Variants in APLP2 observed in about 807,000 individuals in gnomAD.
APLP2 encodes the protein amyloid beta precursor like protein 2, also known as CDEI box-binding protein.
Under a neutral mutation model 89.9 loss-of-function variants are expected in APLP2, and 53 were observed. The ratio of observed to expected loss-of-function variants is 0.59; its 90% CI spans 0.47 to 0.74. The LOEUF (loss-of-function observed/expected upper bound fraction) is 0.74, where lower values mean the gene tolerates loss of function less well. APLP2 is among the 30% of genes least tolerant of loss of function. The pLI is 0.00. For synonymous variants in APLP2, 372 were observed against 348.6 expected (o/e 1.07, Z -0.75); for missense variants, 973 against 975.9 (o/e 1.00, Z 0.04).
rs772054771 is a variant in APLP2, at chr11:130,120,697, C to G, written c.404-9C>G. 3.1e-6 allele frequency: 5 copies of G among 1,607,218 alleles called. No homozygotes were observed. In the East Asian group the frequency reaches 6.7e-5, roughly 21 times the overall value. On this transcript the variant is annotated splice_polypyrimidine_tract_variant and intron_variant, in intron 3 of 16. Coordinates refer to ENST00000338167, the MANE Select transcript of APLP2 (RefSeq NM_001142276.2). ...TCAGATCCGCTCTGACAAAGATTCT[C>G]TTTTCCAGTGGGTGAATTTGTAAGT...
rs778839476 is a variant in APLP2 at position 130,129,150 on chromosome 11, C to T, written c.1399C>T (p.Arg467Cys). Residue 467 changes from arginine (R) to cysteine (C), a missense_variant, in exon 10 of 17, where the codon CGC becomes TGC. Physicochemically the swap from Arg to Cys is radical, Grantham distance 180 (BLOSUM62 -3). Coordinates refer to ENST00000338167, the MANE Select transcript of APLP2 (RefSeq NM_001142276.2). Reference protein sequence around the residue: ...LARVEAMLNDRRRMALENYLA... With the variant: ...LARVEAMLNDCRRMALENYLA... Reference sequence around the variant, plus strand: ...CCGAGTGGAAGCTATGCTGAATGACCGCCGTCGGATGGCTCTGGAGAACTA... The same window carrying T: ...CCGAGTGGAAGCTATGCTGAATGACTGCCGTCGGATGGCTCTGGAGAACTA... 1.2e-5 allele frequency: 20 copies of T among 1,614,184 alleles called. No homozygotes were observed. Among genetic ancestry groups the T allele is most frequent in the Non-Finnish European group, 1.4e-5 (17 of 1,180,022 alleles).
chr11:130,101,068 C>G (rs1255121429), intron 1 of APLP2, among the ~76,000 whole-genome samples: 2 of 152,344 alleles, frequency 1.3e-5, no homozygotes, highest in African/African-American at 4.8e-5. Flanking sequence ...ATTTCTTACA[C>G]ATTAGGCTCT....
At chr11:130,137,174 A>G in intron 13 of APLP2, 1 of 1,257,544 alleles carries the variant, frequency 8.0e-7, no homozygotes, top group South Asian at 1.2e-5. Context: ...TCTAAGATAG[A>G]AATTTTAAAA....
intron 1 of APLP2, among the ~76,000 whole-genome samples, chr11:130,089,236 A>G (rs868009018): frequency 2.6e-4 from 39 of 152,178 alleles, no homozygotes; most frequent in African/African-American, 9.4e-4. Context: ...GCCTGGATGA[A>G]TGCAGTGGCT....
At position 130,083,717 on chromosome 11, in the gene APLP2, T is replaced by C. The variant is rs534740673; in HGVS notation, c.105+13635T>C. ...TTATGTATATATCATATTTTCCTTA[T>C]CCATTCATCTCTCGATGGACATTTA... On this transcript the variant is annotated intron_variant, in intron 1 of 16. Coordinates refer to ENST00000338167, the MANE Select transcript of APLP2 (RefSeq NM_001142276.2). 1.2e-3 allele frequency among the ~76,000 whole-genome samples: 176 copies of C among 152,350 alleles called. 3 individuals are homozygous for C. The South Asian group carries it at 0.035, about 30-fold the overall frequency.
intron 10 of APLP2, among the ~76,000 whole-genome samples, chr11:130,129,670 G>A (rs1010337989): frequency 6.6e-6 from 1 of 152,168 alleles, no homozygotes; most frequent in African/African-American, 2.4e-5. Flanking sequence ...GTATTGGGAG[G>A]ATATTTGTGT....
chr11:130,126,724 A>G lies in APLP2; in HGVS notation c.1115A>G (p.Asn372Ser), dbSNP rs772546391. 35 of 1,613,912 alleles carry G rather than the reference A, an allele frequency of 2.2e-5. No homozygotes were observed. The Admixed American group carries it at 2.5e-4, about 12-fold the overall frequency. The change falls in exon 8 of 17, where the codon AAT (asparagine) becomes AGT (serine). Residue 372 changes from asparagine to serine, a missense_variant. Transcript: ENST00000338167. ...AMIPPTPLPTNDVDVYFETSA... is the reference protein window; with the variant it reads ...AMIPPTPLPTSDVDVYFETSA... ...GTTCCTCCAACTCCTCTGCCAACCA[A>G]TGATGTTGATGTGTATTTCGAGACC...
intron 1 of APLP2, among the ~76,000 whole-genome samples, chr11:130,106,651 A>T (rs1947808456): frequency 6.6e-6 from 1 of 151,748 alleles, no homozygotes; most frequent in African/African-American, 2.4e-5. Flanking sequence ...TCTCTTTAGG[A>T]AGCTTCCTTG....
In APLP2 at chr11:130,069,928, G is replaced by T. The variant is rs1313750854; in HGVS notation, c.-50G>T. On this transcript the variant is annotated 5_prime_UTR_variant, in exon 1 of 17. Transcript: ENST00000338167. ...TGGGTCGCGGTGTGCTAAGCGAGGA[G>T]TCCGAGTGTGTGAGCTTGAGAGCCG... 1 of 1,374,448 alleles carries T rather than the reference G, an allele frequency of 7.3e-7. No homozygotes were observed. The highest frequency in any genetic ancestry group is 1.3e-5 in the South Asian group (1 of 78,892). 85.1% of individuals were successfully genotyped at this position (1,374,448 alleles called of 1,614,324 possible).
intron 13 of APLP2, among the ~76,000 whole-genome samples, chr11:130,137,794 G>A (rs1376752302): frequency 6.6e-6 from 1 of 152,106 alleles, no homozygotes; most frequent in African/African-American, 2.4e-5. Context: ...ATATTCCTCA[G>A]AACATCGGAA....
intron 13 of APLP2, chr11:130,137,395 A>C: frequency 9.2e-7 from 1 of 1,091,514 alleles, no homozygotes; most frequent in Non-Finnish European, 1.4e-6. Flanking sequence ...GGCTTTCCCC[A>C]CCTCATTCCT....
At position 130,141,631 on chromosome 11, in the gene APLP2, G is replaced by T. The variant is rs1952406993; in HGVS notation, c.1998+59G>T. On this transcript the variant is annotated intron_variant, in intron 15 of 16. Coordinates refer to ENST00000338167, the MANE Select transcript of APLP2 (RefSeq NM_001142276.2). The surrounding 1 kb of genome is among the most constrained non-coding windows in gnomAD (Gnocchi z 4.2). ...GCCAATCTTAGGTATTTCTCCTCTG[G>T]ACCTTCTCAGTTCAAGTAGAAAACG... 1.4e-6 allele frequency: 2 copies of T among 1,468,916 alleles called. No homozygotes were observed. The highest frequency in any genetic ancestry group is 1.9e-6 in the Non-Finnish European group (2 of 1,051,208). 91.0% of individuals were successfully genotyped at this position (1,468,916 alleles called of 1,614,324 possible).
At chr11:130,117,934 G>A (rs758813391) in intron 3 of APLP2, among the ~76,000 whole-genome samples, 15 of 152,036 alleles carry the variant, frequency 9.9e-5, no homozygotes, top group Admixed American at 3.9e-4. Context: ...AAAATTAGAC[G>A]GGCGTGGTGG....
chr11:130,141,128 G>A lies in APLP2; in HGVS notation c.1924-370G>A, dbSNP rs539817453. 2 of 176,124 alleles carry A rather than the reference G, an allele frequency of 1.1e-5. No individual in the cohort carries two copies. The highest frequency in any genetic ancestry group is 1.3e-4 in the South Asian group (1 of 7,558). 10.9% of individuals were successfully genotyped at this position (176,124 alleles called of 1,614,324 possible). On this transcript the variant is annotated intron_variant, in intron 14 of 16. Coordinates refer to ENST00000338167, the MANE Select transcript of APLP2 (RefSeq NM_001142276.2). The surrounding 1 kb of genome is among the most constrained non-coding windows in gnomAD (Gnocchi z 4.2). The stretch of plus-strand genomic sequence containing the variant: ...TCACTGTGTTAGCCAGGATGGTCTC[G>A]ATCTCCTGACCTTGTGATCCACCTG...
intron 2 of APLP2, 52 bp from the exon 3 acceptor site, chr11:130,110,486 G>A: frequency 1.0e-5 from 16 of 1,601,386 alleles, no homozygotes; most frequent in Non-Finnish European, 1.4e-5. Context: ...ACTTGCAAGT[G>A]TGTGTCTGTC....
In APLP2 at chr11:130,144,072, T is replaced by C. The variant is rs896570753; in HGVS notation, c.*624T>C. On this transcript the variant is annotated 3_prime_UTR_variant, in exon 17 of 17. Transcript: ENST00000338167. ...TACCTGTGTGTCTCCATAAAAGTCC[T>C]GTCACCAAGGACGTTAAAGGCATTT... 1 of 152,720 alleles carries C rather than the reference T, an allele frequency of 6.5e-6. No homozygotes were observed. The highest frequency in any genetic ancestry group is 2.4e-5 in the African/African-American group (1 of 41,478). 9.5% of individuals were successfully genotyped at this position (152,720 alleles called of 1,614,324 possible).
chr11:130,070,847 C>G, intron 1 of APLP2: 4 of 1,114,748 alleles, frequency 3.6e-6, no homozygotes, highest in Non-Finnish European at 4.6e-6. Context: ...TGTCAGAATT[C>G]CATCAGTGGT....
intron 8 of APLP2, among the ~76,000 whole-genome samples, chr11:130,127,340 G>C (rs757421863): frequency 3.0e-4 from 45 of 152,224 alleles, no homozygotes; most frequent in African/African-American, 1.1e-3. Context: ...TTTTCTTCTG[G>C]ATTTACTCAG....
intron 2 of APLP2, chr11:130,109,816 A>C: frequency 2.1e-6 from 1 of 480,078 alleles, no homozygotes; most frequent in South Asian, 3.7e-5. Context: ...TTCTTTAAGG[A>C]AGGGATACTG....
Sources: allele counts gnomAD v4.1 joint callset (sites outside exome capture counted in the v4.1 genomes callset), GRCh38; gene constraint gnomAD v4.1.1; non-coding constraint Gnocchi (gnomAD v3.1); transcripts MANE v1.5; gene names NCBI Gene and HGNC (gene_info 2026-07-23, HGNC 2026-07-21).